The following MED13L variants were observed in gnomAD, a reference collection of about 807,000 sequenced individuals.
MED13L encodes the protein mediator of RNA polymerase II transcription subunit 13-like.
MED13L carries 7 observed loss-of-function variants against 220.9 expected under a neutral mutation model. The ratio of observed to expected loss-of-function variants is 0.03; its 90% CI spans 0.02 to 0.06. The LOEUF (loss-of-function observed/expected upper bound fraction) is 0.06, where lower values mean the gene tolerates loss of function less well. Among genes scored for constraint, MED13L ranks in the 10% least tolerant of loss-of-function variants. The pLI is 1.00. For missense variants in MED13L, 1,965 were observed against 2,760.5 expected, an observed-to-expected ratio of 0.71 and a Z score of 6.46; for synonymous variants, 1,011 against 1,015.2, an observed-to-expected ratio of 1.00 and a Z score of 0.08.
At chr12:116,066,594 TAC>T (rs1183953672) in intron 4 of MED13L, among the ~76,000 whole-genome samples, 1 of 152,126 alleles carries the variant, frequency 6.6e-6, no homozygotes, top group Non-Finnish European at 1.5e-5. Flanking sequence ...ATCTAATATA[TAC>T]TTCTATACTG....
intron 22 of MED13L, 41 bp downstream of exon 22, chr12:115,982,343 T>A: frequency 6.4e-7 from 1 of 1,563,290 alleles, no homozygotes. Flanking sequence ...ACAACAAAAA[T>A]AACAACATCA....
At chr12:116,097,544 T>C (rs1872721505) in intron 3 of MED13L, among the ~76,000 whole-genome samples, 1 of 152,220 alleles carries the variant, frequency 6.6e-6, no homozygotes, top group South Asian at 2.1e-4. Flanking sequence ...AGGATCTCAG[T>C]GACAAAAATA....
At position 116,184,121 on chromosome 12, in the gene MED13L, C is replaced by T. The variant is rs1040985398; in HGVS notation, c.310+53347G>A. Reference sequence around the variant, plus strand: ...ATTTTAAACAAACATGAGGTTTCAACAAATGTACTATTCATTAGCTACAGA... The same window carrying T: ...ATTTTAAACAAACATGAGGTTTCAATAAATGTACTATTCATTAGCTACAGA... On this transcript the variant is annotated intron_variant, in intron 2 of 30. Coordinates refer to ENST00000281928, the MANE Select transcript of MED13L (RefSeq NM_015335.5). Among the ~76,000 whole-genome samples the T allele has an allele frequency of 2.6e-5, 4 of 152,212 alleles. No homozygotes were observed. In the South Asian group the frequency reaches 8.3e-4, roughly 32 times the overall value.
intron 2 of MED13L, among the ~76,000 whole-genome samples, chr12:116,155,138 T>C (rs1878333749): frequency 1.3e-5 from 2 of 152,266 alleles, no homozygotes; most frequent in East Asian, 3.9e-4. Context: ...AGATATTCTC[T>C]TATGGCCAGG....
At chr12:116,196,469 T>C (rs1415354822) in intron 2 of MED13L, among the ~76,000 whole-genome samples, 1 of 152,030 alleles carries the variant, frequency 6.6e-6, no homozygotes. Flanking sequence ...CCCAGAGAAA[T>C]GACACATGAG....
chr12:115,969,010 T>A lies in MED13L; in HGVS notation c.6155A>T (p.Asn2052Ile), dbSNP rs766487372. ...GCCTGGGGAGGGTACTGGGGAAGAG[T>A]TGGGAGAGGAATGGAGGTTCCCAGT... ...LMTGNLHSSP[N>I]SSPVPSPGSP... Residue 2052 changes from asparagine to isoleucine, a missense_variant, in exon 28 of 31, where the codon AAC (asparagine) becomes ATC (isoleucine). This residue lies in a region of MED13L where 145 missense variants were observed against 328.3 expected (regional missense o/e 0.44). Coordinates refer to ENST00000281928, the MANE Select transcript of MED13L (RefSeq NM_015335.5). 4.3e-6 allele frequency: 7 copies of A among 1,613,398 alleles called. No homozygotes were observed. Among genetic ancestry groups the A allele is most frequent in the East Asian group, 2.2e-5 (1 of 44,876 alleles).
chr12:116,010,307 T>G (rs1879314755), intron 9 of MED13L, among the ~76,000 whole-genome samples: 1 of 152,212 alleles, frequency 6.6e-6, no homozygotes, highest in African/African-American at 2.4e-5. Context: ...CATGTGAACG[T>G]CTCATCAGAA....
intron 2 of MED13L, among the ~76,000 whole-genome samples, chr12:116,117,012 T>C (rs574283565): frequency 6.6e-6 from 1 of 151,796 alleles, no homozygotes; most frequent in East Asian, 2.0e-4. Context: ...AGCAAATGTA[T>C]ATAGTAGTTG....
intron 1 of MED13L, among the ~76,000 whole-genome samples, chr12:116,245,866 A>G (rs1871053947): frequency 1.3e-5 from 2 of 152,202 alleles, no homozygotes; most frequent in Non-Finnish European, 2.9e-5. Context: ...AAAACAATTC[A>G]TAACAATTTC....
chr12:116,058,202 T>C (rs1869131807), intron 4 of MED13L, among the ~76,000 whole-genome samples: 1 of 152,148 alleles, frequency 6.6e-6, no homozygotes, highest in African/African-American at 2.4e-5. Flanking sequence ...TGTTTAAAAG[T>C]TCTAAATGAA....
chr12:116,002,867 G>A (rs1878832064), intron 14 of MED13L, 136 bp downstream of exon 14: 2 of 752,468 alleles, frequency 2.7e-6, no homozygotes, highest in Non-Finnish European at 4.6e-6. Flanking sequence ...ATTTATATAG[G>A]TTTTAATTCA....
At chr12:116,001,486 A>G (rs913726514) in intron 14 of MED13L, among the ~76,000 whole-genome samples, 1 of 152,096 alleles carries the variant, frequency 6.6e-6, no homozygotes, top group African/African-American at 2.4e-5. Flanking sequence ...CTAGACATTA[A>G]CTTTTATAAT....
intron 27 of MED13L, 46 bp downstream of exon 27, chr12:115,970,548 T>C (rs1876510768): frequency 6.3e-7 from 1 of 1,591,114 alleles, no homozygotes; most frequent in South Asian, 1.1e-5. Context: ...ACTCCGGCTC[T>C]GCCCTGCATG....
At chr12:116,140,797 T>C (rs1428145388) in intron 2 of MED13L, among the ~76,000 whole-genome samples, 1 of 152,172 alleles carries the variant, frequency 6.6e-6, no homozygotes, top group Non-Finnish European at 1.5e-5. Flanking sequence ...ACAACTGAAT[T>C]TATCTTAGGG....
At chr12:116,100,876 T>A (rs1262247720) in intron 3 of MED13L, among the ~76,000 whole-genome samples, 1 of 152,084 alleles carries the variant, frequency 6.6e-6, no homozygotes, top group Non-Finnish European at 1.5e-5. Flanking sequence ...ATGGCACCCC[T>A]GCACCCCAGC....
At chr12:116,020,358 A>G (rs76910763) in intron 5 of MED13L, among the ~76,000 whole-genome samples, 107 of 152,334 alleles carry the variant, frequency 7.0e-4, no homozygotes, top group Non-Finnish European at 1.3e-3. Flanking sequence ...AAGCATATAC[A>G]TATCTGTTTA....
At chr12:116,198,379 G>T (rs553753682) in intron 2 of MED13L, among the ~76,000 whole-genome samples, 1 of 152,106 alleles carries the variant, frequency 6.6e-6, no homozygotes, top group South Asian at 2.1e-4. Flanking sequence ...CCTTTCTTGT[G>T]TTTCCTGCTT....
chr12:116,198,694 A>C (rs1426197925), intron 2 of MED13L, among the ~76,000 whole-genome samples: 2 of 151,620 alleles, frequency 1.3e-5, no homozygotes, highest in Admixed American at 1.3e-4. Context: ...TGCCTCTAAC[A>C]CCTCCCCTAG....
At chr12:116,219,809 G>A (rs942235959) in intron 2 of MED13L, among the ~76,000 whole-genome samples, 1 of 151,922 alleles carries the variant, frequency 6.6e-6, no homozygotes, top group Non-Finnish European at 1.5e-5. Context: ...ATTTTGTTTT[G>A]TTTCTTGAGA....
Sources: gnomAD v4.1 joint callset for allele counts (sites outside exome capture counted in the v4.1 genomes callset) on GRCh38, gnomAD v4.1.1 for gene constraint, gnomAD v4.1.1 regional missense constraint, MANE v1.5 for transcripts, NCBI Gene and HGNC (gene_info 2026-07-23, HGNC 2026-07-21) for gene names.